PLOD2: variants seen among roughly 807,000 people sequenced by gnomAD.
The protein encoded by PLOD2 is lysine hydroxylase 2.
In PLOD2, 65 loss-of-function variants were observed where a neutral mutation model predicts 101.0. That is an observed-to-expected ratio of 0.64 (90% CI 0.53 to 0.79). The LOEUF (loss-of-function observed/expected upper bound fraction) is 0.79. PLOD2 is among the 30% of genes least tolerant of loss of function. PLOD2 has a pLI of 0.00. For missense variants in PLOD2, 909 were observed against 914.6 expected (o/e 0.99, Z 0.08); for synonymous variants, 314 against 302.9 (o/e 1.04, Z -0.38).
chr3:146,130,195 C>G (rs1025552406), intron 1 of PLOD2, among the ~76,000 whole-genome samples: 1 of 152,092 alleles, frequency 6.6e-6, no homozygotes, highest in African/African-American at 2.4e-5. Flanking sequence ...CTTTTCAAGA[C>G]CATTATCTAA....
chr3:146,119,335 G>A (rs1576609095), intron 3 of PLOD2, among the ~76,000 whole-genome samples: 2 of 152,120 alleles, frequency 1.3e-5, no homozygotes, highest in East Asian at 3.9e-4. Context: ...GTGAAATTGT[G>A]AGCCAACTAA....
rs1345927891 is a variant in PLOD2, at chr3:146,077,931, T to C, written c.1501-7A>G. On this transcript the variant is annotated splice_polypyrimidine_tract_variant and splice_region_variant and intron_variant, in intron 13 of 19. Coordinates refer to ENST00000282903, the MANE Select transcript of PLOD2 (RefSeq NM_182943.3). ...CTTTTTCCCTTTGTAAAGTCTAAAA[T>C]GAAGAGAAGCATTGGGTAAGTTGAC... 2 of 1,566,760 alleles carry C rather than the reference T, an allele frequency of 1.3e-6. No homozygotes were observed. Among genetic ancestry groups the C allele is most frequent in the Non-Finnish European group, 1.8e-6 (2 of 1,137,328 alleles).
At chr3:146,101,414 C>T (rs1027233775) in intron 7 of PLOD2, among the ~76,000 whole-genome samples, 13 of 151,784 alleles carry the variant, frequency 8.6e-5, no homozygotes, top group African/African-American at 3.1e-4. Context: ...AGAGGAAAGC[C>T]CAGAAAATAA....
chr3:146,095,930 A>C (rs1170761243), intron 7 of PLOD2, among the ~76,000 whole-genome samples: 10 of 109,674 alleles, frequency 9.1e-5, no homozygotes, highest in Admixed American at 6.5e-4. Flanking sequence ...TCTCCCTCTG[A>C]TGCCGAGCCA....
chr3:146,133,154 C>T (rs968704472), intron 1 of PLOD2, among the ~76,000 whole-genome samples: 8 of 152,136 alleles, frequency 5.3e-5, no homozygotes, highest in South Asian at 4.2e-4. Flanking sequence ...CCGGCCTGGG[C>T]GACAGAGCAA....
chr3:146,160,292 G>A (rs2032507111), intron 1 of PLOD2, among the ~76,000 whole-genome samples: 1 of 152,212 alleles, frequency 6.6e-6, no homozygotes, highest in African/African-American at 2.4e-5. Context: ...GGGAGCAGCT[G>A]TGTGTCCACA....
chr3:146,082,428 C>A (rs1936586437), intron 11 of PLOD2, among the ~76,000 whole-genome samples: 1 of 152,296 alleles, frequency 6.6e-6, no homozygotes, highest in Non-Finnish European at 1.5e-5. Flanking sequence ...TAAAAAATGA[C>A]TTGTGATTAC....
At chr3:146,155,430 T>G (rs1388282596) in intron 1 of PLOD2, among the ~76,000 whole-genome samples, 1 of 152,006 alleles carries the variant, frequency 6.6e-6, no homozygotes, top group Non-Finnish European at 1.5e-5. Flanking sequence ...TTAGTTTCAT[T>G]GGCCAGGCGC....
At chr3:146,078,892 T>A (rs1441666014) in intron 13 of PLOD2, among the ~76,000 whole-genome samples, 2 of 151,936 alleles carry the variant, frequency 1.3e-5, no homozygotes, top group East Asian at 3.9e-4. Flanking sequence ...CGGTTGCCTA[T>A]GAATTAGCCC....
intron 8 of PLOD2, among the ~76,000 whole-genome samples, chr3:146,089,332 C>T (rs770200527): frequency 8.6e-5 from 13 of 151,304 alleles, no homozygotes; most frequent in Non-Finnish European, 1.9e-4. Context: ...TCATTAATTG[C>T]ACAAACAATT....
At chr3:146,158,722 A>G (rs2032421269) in intron 1 of PLOD2, among the ~76,000 whole-genome samples, 1 of 151,808 alleles carries the variant, frequency 6.6e-6, no homozygotes, top group Non-Finnish European at 1.5e-5. Flanking sequence ...TCTAGTGCAC[A>G]GAGGTTAAGG....
In PLOD2 at chr3:146,104,350, A is replaced by AT; in HGVS notation, c.616-9dup. ...TGTGATGTTAATAGCTTCCTAAAAC[A>AT]TAAGAATAGAAATGATATTGAAAAT... On this transcript the variant is annotated splice_polypyrimidine_tract_variant and intron_variant, in intron 5 of 19. Coordinates refer to ENST00000282903, the MANE Select transcript of PLOD2 (RefSeq NM_182943.3). 7.1e-7 allele frequency: 1 copy of AT among 1,403,016 alleles called. No individual in the cohort carries two copies. Among genetic ancestry groups the AT allele is most frequent in the South Asian group, 1.2e-5 (1 of 86,632 alleles). 86.9% of individuals were successfully genotyped at this position (1,403,016 alleles called of 1,614,324 possible).
At chr3:146,082,278 G>A (rs1936573931) in intron 11 of PLOD2, among the ~76,000 whole-genome samples, 3 of 152,218 alleles carry the variant, frequency 2.0e-5, no homozygotes, top group Admixed American at 6.5e-5. Flanking sequence ...ACAGCCCCTG[G>A]TGCATTTAAG....
intron 7 of PLOD2, among the ~76,000 whole-genome samples, chr3:146,095,887 C>A (rs1396301629): frequency 2.2e-5 from 3 of 136,752 alleles, no homozygotes; most frequent in Non-Finnish European, 4.8e-5. Flanking sequence ...TCTCCCCTCT[C>A]CCCTCTCCCC....
At chr3:146,137,409 G>A (rs966051215) in intron 1 of PLOD2, among the ~76,000 whole-genome samples, 2 of 152,160 alleles carry the variant, frequency 1.3e-5, no homozygotes, top group East Asian at 1.9e-4. Context: ...ACCAAACCCC[G>A]CTAATAAATT....
At chr3:146,137,772 C>A (rs1427277764) in intron 1 of PLOD2, among the ~76,000 whole-genome samples, 2 of 151,984 alleles carry the variant, frequency 1.3e-5, no homozygotes, top group Non-Finnish European at 2.9e-5. Context: ...TGAAGAGATG[C>A]GGATGACGCT....
chr3:146,103,410 C>A (rs554463990), intron 6 of PLOD2, among the ~76,000 whole-genome samples: 1 of 151,552 alleles, frequency 6.6e-6, no homozygotes, highest in Non-Finnish European at 1.5e-5. Context: ...GCAGAGCCAT[C>A]GTCTTAAAAT....
intron 11 of PLOD2, 68 bp from the exon 12 acceptor site, chr3:146,081,931 G>T: frequency 7.0e-7 from 1 of 1,426,508 alleles, no homozygotes; most frequent in Non-Finnish European, 9.6e-7. Context: ...AATTACCACA[G>T]AATTATGTAT....
intron 3 of PLOD2, among the ~76,000 whole-genome samples, chr3:146,114,037 C>T (rs1404136905): frequency 6.6e-6 from 1 of 152,118 alleles, no homozygotes; most frequent in East Asian, 1.9e-4. Context: ...GAAATAGCCC[C>T]AGTCTCTGGT....
Sources: allele counts gnomAD v4.1 joint callset (sites outside exome capture counted in the v4.1 genomes callset), GRCh38; gene constraint gnomAD v4.1.1; transcripts MANE v1.5; gene names NCBI Gene and HGNC (gene_info 2026-07-23, HGNC 2026-07-21).